Variants in POT1 observed in about 807,000 individuals in gnomAD.
The protein encoded by POT1 is protection of telomeres 1.
A neutral mutation model predicts 78.5 loss-of-function variants in POT1; 47 were observed. The ratio of observed to expected loss-of-function variants is 0.60; its 90% CI spans 0.47 to 0.76. POT1 has a LOEUF of 0.76. POT1 is among the 30% of genes least tolerant of loss of function. POT1 has a pLI of 0.00. For synonymous variants in POT1, 259 were observed against 260.7 expected (o/e 0.99, Z 0.06); for missense variants, 646 against 749.9 (o/e 0.86, Z 1.62).
chr7:124,863,381 G>A lies in POT1; in HGVS notation c.515C>T (p.Ala172Val). 1 of 1,613,620 alleles carries A rather than the reference G, an allele frequency of 6.2e-7. No homozygotes were observed. Among genetic ancestry groups the A allele is most frequent in the Non-Finnish European group, 8.5e-7 (1 of 1,179,788 alleles). Residue 172 changes from alanine to valine, a missense_variant, in exon 8 of 19, where the codon GCA becomes GTA. This residue lies in a region of POT1 where 252 missense variants were observed against 341.4 expected (regional missense o/e 0.74). Transcript: ENST00000357628. ...AAGAAATGATGCTCCGTCCACTTCTGCTTTGCCCAAGAGCTGACAAGTCAG... is the reference window on the plus strand; with the variant it reads ...AAGAAATGATGCTCCGTCCACTTCTACTTTGCCCAAGAGCTGACAAGTCAG... ...FDLTCQLLGK[A>V]EVDGASFLLK...
At chr7:124,887,337 C>T (rs531906555) in intron 6 of POT1, among the ~76,000 whole-genome samples, 4 of 152,194 alleles carry the variant, frequency 2.6e-5, no homozygotes, top group African/African-American at 9.6e-5. Context: ...TCTTTGCAGT[C>T]TTCAGGCTTA....
chr7:124,924,263 G>T (rs1474274968), intron 2 of POT1, among the ~76,000 whole-genome samples: 2 of 150,376 alleles, frequency 1.3e-5, no homozygotes, highest in Admixed American at 1.3e-4. Flanking sequence ...GGAGAGAAAA[G>T]ATCCAAATAA....
At chr7:124,829,023 A>G in intron 16 of POT1, 3 of 722,352 alleles carry the variant, frequency 4.2e-6, no homozygotes, top group South Asian at 4.1e-5. Context: ...GAGGAAAAAC[A>G]AAATAGTAAG....
chr7:124,848,829 A>G (rs1025080764), intron 11 of POT1, among the ~76,000 whole-genome samples: 1 of 152,172 alleles, frequency 6.6e-6, no homozygotes, highest in Admixed American at 6.5e-5. Context: ...TTGAAAAAAT[A>G]CAGTGTAGAG....
chr7:124,896,526 T>C (rs1243603153), intron 5 of POT1, among the ~76,000 whole-genome samples: 1 of 151,660 alleles, frequency 6.6e-6, no homozygotes, highest in Admixed American at 6.6e-5. Flanking sequence ...CTGAATTCTG[T>C]CCATTTGAAA....
At chr7:124,873,749 C>T (rs970210563) in intron 6 of POT1, among the ~76,000 whole-genome samples, 3 of 152,098 alleles carry the variant, frequency 2.0e-5, no homozygotes, top group African/African-American at 7.2e-5. Flanking sequence ...GACTTTCTGT[C>T]CTTCCTAGTC....
intron 2 of POT1, among the ~76,000 whole-genome samples, chr7:124,918,960 T>C (rs987759978): frequency 2.6e-5 from 4 of 152,112 alleles, no homozygotes; most frequent in Admixed American, 2.6e-4. Flanking sequence ...GAGTTATTGC[T>C]GAGAATAATA....
In POT1 at chr7:124,912,086, T is replaced by C. The variant is rs188200664; in HGVS notation, c.-154+3488A>G. Among the ~76,000 whole-genome samples the C allele has an allele frequency of 3.9e-5, 6 of 152,260 alleles. No homozygotes were observed. The East Asian group carries it at 9.7e-4, about 24-fold the overall frequency. ...CAGATGTCTTCCCTCTACTCTCTTCTTCCTCACTGAGGCTGTATCTAATTA... is the reference window on the plus strand; with the variant it reads ...CAGATGTCTTCCCTCTACTCTCTTCCTCCTCACTGAGGCTGTATCTAATTA... On this transcript the variant is annotated intron_variant, in intron 3 of 18. Transcript: ENST00000357628.
At chr7:124,870,029 C>G (rs1795829456) in intron 7 of POT1, among the ~76,000 whole-genome samples, 1 of 151,998 alleles carries the variant, frequency 6.6e-6, no homozygotes, top group Non-Finnish European at 1.5e-5. Context: ...GCAGACTGAC[C>G]ATGAAGGACA....
chr7:124,839,126 G>T (rs56387611), intron 14 of POT1, among the ~76,000 whole-genome samples: 1 of 152,036 alleles, frequency 6.6e-6, no homozygotes, highest in Non-Finnish European at 1.5e-5. Flanking sequence ...AAACAGAATA[G>T]AGAACACAGA....
intron 6 of POT1, among the ~76,000 whole-genome samples, chr7:124,885,928 G>A (rs1214747645): frequency 6.6e-6 from 1 of 151,960 alleles, no homozygotes; most frequent in African/African-American, 2.4e-5. Flanking sequence ...AGTATCTATA[G>A]CATTATATGT....
At chr7:124,908,177 A>T (rs1293714520) in intron 3 of POT1, among the ~76,000 whole-genome samples, 4 of 152,054 alleles carry the variant, frequency 2.6e-5, no homozygotes, top group African/African-American at 9.7e-5. Context: ...AAATCTTGTT[A>T]GGTTACCATA....
chr7:124,892,264 ACCAGTT>A lies in POT1; in HGVS notation c.120_124+1del, dbSNP rs1796390112. On this transcript the variant is annotated splice_donor_variant and coding_sequence_variant, in exon 6 of 19. Transcript: ENST00000357628. LOFTEE classifies it high-confidence loss of function. Reference sequence around the variant, plus strand: ...AAAAACTCCACCAGTTTTAATACCTACCAGTTCCTTTGCTTAGATATGGGGGCTTAA... The same window carrying A: ...AAAAACTCCACCAGTTTTAATACCTACCTTTGCTTAGATATGGGGGCTTAA... 1 of 1,504,404 alleles carries A rather than the reference ACCAGTT, an allele frequency of 6.6e-7. No homozygotes were observed. Among genetic ancestry groups the A allele is most frequent in the Non-Finnish European group, 8.9e-7 (1 of 1,121,764 alleles). The allele number at this position is 1,504,404 out of a possible 1,614,324, so 93.2% of individuals were successfully genotyped here. A position where few individuals can be genotyped will look rare whatever the true frequency, so the allele number is the denominator to read the frequency against.
intron 3 of POT1, among the ~76,000 whole-genome samples, chr7:124,902,484 T>C (rs541913851): frequency 2.0e-5 from 3 of 152,284 alleles, no homozygotes; most frequent in African/African-American, 7.2e-5. Context: ...CTGAAAGATT[T>C]TGTCACCACC....
At chr7:124,858,867 A>T in intron 9 of POT1, 90 bp downstream of exon 9, 1 of 846,778 alleles carries the variant, frequency 1.2e-6, no homozygotes, top group Non-Finnish European at 1.8e-6. Context: ...TATCACCTAT[A>T]CATGTAACCA....
chr7:124,925,137 CA>C (rs1382082749), intron 2 of POT1, among the ~76,000 whole-genome samples: 3 of 151,940 alleles, frequency 2.0e-5, no homozygotes, highest in East Asian at 3.9e-4. Flanking sequence ...GGGAAAAAAA[CA>C]AAAGGCATCC....
At chr7:124,832,095 C>G (rs2116432045) in intron 15 of POT1, among the ~76,000 whole-genome samples, 1 of 150,142 alleles carries the variant, frequency 6.7e-6, no homozygotes, top group African/African-American at 2.4e-5. Context: ...TGGCAAAACC[C>G]CATCCCTACA....
intron 7 of POT1, among the ~76,000 whole-genome samples, chr7:124,864,257 A>T (rs1244179022): frequency 6.6e-6 from 1 of 151,956 alleles, no homozygotes; most frequent in African/African-American, 2.4e-5. Context: ...CATTTCCCTT[A>T]TGTTTACTTT....
At chr7:124,843,975 T>C (rs1795094765) in intron 12 of POT1, among the ~76,000 whole-genome samples, 1 of 152,182 alleles carries the variant, frequency 6.6e-6, no homozygotes, top group South Asian at 2.1e-4. Context: ...GTTAATAAAG[T>C]TTATATTTAA....
Sources: gnomAD v4.1 joint callset for allele counts (sites outside exome capture counted in the v4.1 genomes callset) on GRCh38, gnomAD v4.1.1 for gene constraint, gnomAD v4.1.1 regional missense constraint, MANE v1.5 for transcripts, NCBI Gene and HGNC (gene_info 2026-07-23, HGNC 2026-07-21) for gene names.